ATP6V1E2: variants seen among roughly 807,000 people sequenced by gnomAD.
ATP6V1E2 encodes the protein V-type proton ATPase subunit E 2.
For missense variants in ATP6V1E2, 308 were observed against 273.3 expected, an observed-to-expected ratio of 1.13 and a Z score of -0.90; for synonymous variants, 121 against 104.2, an observed-to-expected ratio of 1.16 and a Z score of -0.98.
chr2:46,521,377 G>T lies in ATP6V1E2; in HGVS notation c.-101-8565C>A, dbSNP rs148681373. Reference sequence around the variant, plus strand: ...GGCAAAATATGTCTGTCAACCTGGAGCCCTGCCCAGACCCTGAAGCAACTG... The same window carrying T: ...GGCAAAATATGTCTGTCAACCTGGATCCCTGCCCAGACCCTGAAGCAACTG... On this transcript the variant is annotated intron_variant, in intron 4 of 4. Transcript: ENST00000522587. Among the ~76,000 whole-genome samples the T allele has an allele frequency of 8.6e-3, 1,309 of 152,292 alleles. 12 individuals carry two copies. The highest frequency in any genetic ancestry group is 0.02 in the Middle Eastern group (6 of 294).
chr2:46,523,332 T>C (rs1163852173), intron 4 of ATP6V1E2, among the ~76,000 whole-genome samples: 4 of 152,240 alleles, frequency 2.6e-5, no homozygotes, highest in Non-Finnish European at 5.9e-5. Context: ...CTAAATTGTA[T>C]TGCCTAGGTT....
intron 4 of ATP6V1E2, among the ~76,000 whole-genome samples, chr2:46,532,075 G>A (rs1327818116): frequency 6.6e-6 from 1 of 152,102 alleles, no homozygotes; most frequent in Non-Finnish European, 1.5e-5. Context: ...TTGTTGTTAT[G>A]CTTTTGACAT....
At chr2:46,539,317 C>G (rs895051632) in intron 2 of ATP6V1E2, among the ~76,000 whole-genome samples, 5 of 152,236 alleles carry the variant, frequency 3.3e-5, no homozygotes, top group African/African-American at 1.2e-4. Context: ...GCTCCCAGAA[C>G]CACTGCTTGC....
chr2:46,534,987 G>T (rs2103929532), intron 4 of ATP6V1E2: 1 of 152,310 alleles, frequency 6.6e-6, no homozygotes, highest in Non-Finnish European at 1.5e-5. Flanking sequence ...CTGTTTTGCT[G>T]TTATATTCTC....
In ATP6V1E2 at chr2:46,535,403, A is replaced by C. The variant is rs1219282617; in HGVS notation, c.-102+410T>G. On this transcript the variant is annotated intron_variant, in intron 4 of 4. Transcript: ENST00000522587. The surrounding 1 kb of genome is among the most constrained non-coding windows in gnomAD (Gnocchi z 4.4). ...AGAAGCTGTTTGTGGCTGATTAAAC[A>C]GAAAGAAATCTTAAAAGGATCACAG... 2 of 152,238 alleles carry C rather than the reference A, an allele frequency of 1.3e-5. No individual in the cohort carries two copies. 9.4% of individuals were successfully genotyped at this position (152,238 alleles called of 1,614,324 possible). A position where few individuals can be genotyped will look rare whatever the true frequency, so the allele number is the denominator to read the frequency against.
At chr2:46,526,297 T>C (rs1055560479) in intron 4 of ATP6V1E2, among the ~76,000 whole-genome samples, 6 of 152,070 alleles carry the variant, frequency 3.9e-5, no homozygotes, top group Non-Finnish European at 2.9e-5. Flanking sequence ...GTATTTGTAG[T>C]AGAGATGGGT....
chr2:46,512,412 C>G lies in ATP6V1E2; in HGVS notation c.300G>C (p.Leu100=). 6.2e-7 allele frequency: 1 copy of G among 1,614,188 alleles called. No individual in the cohort carries two copies. Among genetic ancestry groups the G allele is most frequent in the South Asian group, 1.1e-5 (1 of 91,076 alleles). Reference sequence around the variant, plus strand: ...GGTCCTCCACAATCCTGCTGAGTCTCAGCTTCGCCTCACTGAGCAAATCTG... The same window carrying G: ...GGTCCTCCACAATCCTGCTGAGTCTGAGCTTCGCCTCACTGAGCAAATCTG... ...LISDLLSEAK[L]RLSRIVEDPE... The change falls in exon 5 of 5, where the codon CTG becomes CTC. Residue 100 remains leucine (L), a synonymous_variant. Transcript: ENST00000522587.
In ATP6V1E2 at chr2:46,512,350, A is replaced by G. The variant is rs147855126; in HGVS notation, c.362T>C (p.Leu121Pro). 3,520 of 1,613,956 alleles carry G rather than the reference A, an allele frequency of 2.2e-3. 15 individuals are homozygous for G. Among genetic ancestry groups the G allele is most frequent in the Admixed American group, 6.2e-3 (372 of 59,998 alleles). ...TTCCAGCAGTCGGAGCAGACCCTGG[A>G]GCACCAGTTTATCCAGCAGCCCCTG... is the stretch of plus-strand genomic sequence containing the variant. ...VYQGLLDKLV[L>P]QGLLRLLEPV... Residue 121 changes from leucine to proline, a missense_variant, in exon 5 of 5, where the codon CTC (leucine) becomes CCC (proline). Transcript: ENST00000522587.
chr2:46,516,502 AG>A, intron 4 of ATP6V1E2, among the ~76,000 whole-genome samples: 1 of 152,334 alleles, frequency 6.6e-6, no homozygotes, highest in Non-Finnish European at 1.5e-5. Flanking sequence ...AGGCTGAAGC[AG>A]GAATCGCTTG....
chr2:46,532,984 A>T (rs183471434), intron 4 of ATP6V1E2, among the ~76,000 whole-genome samples: 1 of 151,894 alleles, frequency 6.6e-6, no homozygotes, highest in Admixed American at 6.6e-5. Flanking sequence ...TATTATTGTT[A>T]TAGGTTCTAT....
At position 46,512,426 on chromosome 2, in the gene ATP6V1E2, T is replaced by C. The variant is rs1190043551; in HGVS notation, c.286A>G (p.Ser96Gly). 6.2e-7 allele frequency: 1 copy of C among 1,614,042 alleles called. No individual in the cohort carries two copies. The highest frequency in any genetic ancestry group is 1.3e-5 in the African/African-American group (1 of 74,894). The stretch of plus-strand genomic sequence containing the variant: ...CTGCTGAGTCTCAGCTTCGCCTCAC[T>C]GAGCAAATCTGAGATGAGGTCATTT... ...ARNDLISDLL[S>G]EAKLRLSRIV... Residue 96 changes from serine (S) to glycine (G), a missense_variant, in exon 5 of 5, where the codon AGT becomes GGT. Transcript: ENST00000522587.
chr2:46,539,340 T>C (rs1318400476), intron 2 of ATP6V1E2, among the ~76,000 whole-genome samples: 1 of 152,238 alleles, frequency 6.6e-6, no homozygotes, highest in African/African-American at 2.4e-5. Flanking sequence ...AGACAGTGCC[T>C]TCATCTTTTG....
At chr2:46,536,807 A>C (rs1293069307) in intron 2 of ATP6V1E2, 104 bp from the exon 3 acceptor site, 4 of 149,418 alleles carry the variant, frequency 2.7e-5, no homozygotes, top group Non-Finnish European at 5.9e-5. Flanking sequence ...TTTTTGAGAC[A>C]GTGTCTTGCT....
rs1687479333 is a variant in ATP6V1E2, at chr2:46,512,037, A to G, written c.675T>C (p.Phe225=). ...AGCTTCACTTCCCAGAGGCTTATAT[A>G]AAGAACTTTCTGTTGGTGTTAGCAC... is the stretch of plus-strand genomic sequence containing the variant. ...LFGANTNRKF[F]I is the part of the protein sequence containing the mutation. Residue 225 remains phenylalanine, a synonymous_variant, in exon 5 of 5, where the codon TTT becomes TTC. Coordinates refer to ENST00000522587, the MANE Select transcript of ATP6V1E2 (RefSeq NM_001318063.2). 1 of 1,588,158 alleles carries G rather than the reference A, an allele frequency of 6.3e-7. No individual in the cohort carries two copies. The highest frequency in any genetic ancestry group is 8.6e-7 in the Non-Finnish European group (1 of 1,168,860).
intron 4 of ATP6V1E2, among the ~76,000 whole-genome samples, chr2:46,518,490 A>AC (rs1471974728): frequency 7.1e-6 from 1 of 141,014 alleles, no homozygotes; most frequent in African/African-American, 2.6e-5. Context: ...ACACACACAC[A>AC]ACACACACAC....
intron 1 of ATP6V1E2, 167 bp downstream of exon 1, chr2:46,542,050 T>C (rs888076070): frequency 5.3e-5 from 8 of 152,104 alleles, no homozygotes; most frequent in Admixed American, 1.3e-4. Context: ...CAACACGCTG[T>C]ATCTCCCTTA....
chr2:46,521,314 C>A (rs908916670), intron 4 of ATP6V1E2, among the ~76,000 whole-genome samples: 7 of 152,148 alleles, frequency 4.6e-5, no homozygotes, highest in African/African-American at 1.7e-4. Context: ...TCCACAGCAC[C>A]ATGAGAGGGA....
At chr2:46,525,461 CAAAA>C (rs57428249) in intron 4 of ATP6V1E2, among the ~76,000 whole-genome samples, 20 of 56,726 alleles carry the variant, frequency 3.5e-4, no homozygotes, top group Non-Finnish European at 6.3e-4. Flanking sequence ...GACTCCGTCT[CAAAA>C]AAAAAAAAAA....
intron 4 of ATP6V1E2, among the ~76,000 whole-genome samples, chr2:46,520,870 T>A (rs913817405): frequency 2.0e-5 from 3 of 152,088 alleles, no homozygotes; most frequent in African/African-American, 7.2e-5. Flanking sequence ...TTTTCTTTTT[T>A]GCCTTTTTCA....
Sources: gnomAD v4.1 joint callset for allele counts (sites outside exome capture counted in the v4.1 genomes callset) on GRCh38, gnomAD v4.1.1 for gene constraint, Gnocchi (gnomAD v3.1) non-coding constraint, MANE v1.5 for transcripts, NCBI Gene and HGNC (gene_info 2026-07-23, HGNC 2026-07-21) for gene names.